Variants in CYB5R4 observed in about 807,000 individuals in gnomAD.
CYB5R4 encodes the protein N-terminal cytochrome b5 and cytochrome b5 oxidoreductase domain-containing protein.
In CYB5R4, 55 loss-of-function variants were observed where a neutral mutation model predicts 70.2. That is an observed-to-expected ratio of 0.78 (90% CI 0.63 to 0.98). The LOEUF is 0.98. Ranked by LOEUF, CYB5R4 falls within the 50% of genes least tolerant of loss-of-function variation. The pLI is 0.00. For missense variants in CYB5R4, 562 were observed against 612.6 expected, an observed-to-expected ratio of 0.92 and a Z score of 0.87; for synonymous variants, 197 against 199.5, an observed-to-expected ratio of 0.99 and a Z score of 0.11.
intron 4 of CYB5R4, among the ~76,000 whole-genome samples, chr6:83,911,389 A>G (rs1048420547): frequency 2.0e-5 from 3 of 152,210 alleles, no homozygotes; most frequent in African/African-American, 7.2e-5. Context: ...TCTTCTGGCA[A>G]GGCTAAGCAG....
chr6:83,863,046 A>G (rs1562824452), intron 1 of CYB5R4, among the ~76,000 whole-genome samples: 1 of 152,236 alleles, frequency 6.6e-6, no homozygotes, highest in Non-Finnish European at 1.5e-5. Flanking sequence ...TTACTACGTT[A>G]CAAATTAGTC....
At chr6:83,905,882 A>G (rs1163028999) in intron 3 of CYB5R4, among the ~76,000 whole-genome samples, 2 of 152,026 alleles carry the variant, frequency 1.3e-5, no homozygotes, top group Non-Finnish European at 2.9e-5. Flanking sequence ...AACCCTGCAG[A>G]TGGCATGTGC....
At chr6:83,878,818 A>G (rs1362598594) in intron 2 of CYB5R4, among the ~76,000 whole-genome samples, 1 of 151,994 alleles carries the variant, frequency 6.6e-6, no homozygotes, top group Admixed American at 6.6e-5. Context: ...TATTGTTACC[A>G]TCAGTGTACC....
At position 83,966,219 on chromosome 6, in the gene CYB5R4, A is replaced by G. The variant is rs2099474039; in HGVS notation, c.*6341A>G. On this transcript the variant is annotated 3_prime_UTR_variant, in exon 16 of 16. Coordinates refer to ENST00000369681, the MANE Select transcript of CYB5R4 (RefSeq NM_016230.4). ...TGGTTATGGTTGCACATACTTATGA[A>G]TATACCTAAAAATGTTGAATTGTAC... The G allele has an allele frequency of 6.6e-6, 1 of 152,200 alleles. No individual in the cohort carries two copies. Among genetic ancestry groups the G allele is most frequent in the Non-Finnish European group, 1.5e-5 (1 of 68,042 alleles). The allele number at this position is 152,200 out of a possible 1,614,324, so 9.4% of individuals were successfully genotyped here. A position where few individuals can be genotyped will look rare whatever the true frequency, so the allele number is the denominator to read the frequency against.
intron 2 of CYB5R4, among the ~76,000 whole-genome samples, chr6:83,866,404 G>A (rs2099456723): frequency 6.6e-6 from 1 of 152,096 alleles, no homozygotes; most frequent in Non-Finnish European, 1.5e-5. Context: ...TACTGGTTGA[G>A]CATCCCAAAT....
At chr6:83,943,567 G>T (rs1182522005) in intron 14 of CYB5R4, among the ~76,000 whole-genome samples, 1 of 152,052 alleles carries the variant, frequency 6.6e-6, no homozygotes, top group Admixed American at 6.6e-5. Flanking sequence ...CTCCTCCAAA[G>T]GATCACAACT....
At chr6:83,903,656 T>G (rs2099463343) in intron 3 of CYB5R4, among the ~76,000 whole-genome samples, 1 of 152,074 alleles carries the variant, frequency 6.6e-6, no homozygotes, top group African/African-American at 2.4e-5. Flanking sequence ...ATCCATCTAG[T>G]CCTTTGTTGT....
intron 10 of CYB5R4, among the ~76,000 whole-genome samples, chr6:83,930,824 T>C (rs561562871): frequency 4.6e-5 from 7 of 152,162 alleles, no homozygotes; most frequent in Non-Finnish European, 1.0e-4. Flanking sequence ...TATCATTCAT[T>C]GACAGTCACC....
chr6:83,876,549 G>A (rs1180707228), intron 2 of CYB5R4, among the ~76,000 whole-genome samples: 2 of 143,920 alleles, frequency 1.4e-5, no homozygotes, highest in African/African-American at 5.1e-5. Flanking sequence ...CATTTCTAAT[G>A]TATCAGTCTA....
chr6:83,933,970 TACAC>T (rs1266183578), intron 10 of CYB5R4, among the ~76,000 whole-genome samples: 7 of 152,204 alleles, frequency 4.6e-5, no homozygotes, highest in African/African-American at 1.7e-4. Flanking sequence ...ATAAAATACA[TACAC>T]ACAAACATAG....
In CYB5R4 at chr6:83,921,090, T is replaced by C; in HGVS notation, c.573T>C (p.Asn191=). The C allele has an allele frequency of 6.6e-7, 1 of 1,508,936 alleles. No individual in the cohort carries two copies. Among genetic ancestry groups the C allele is most frequent in the Non-Finnish European group, 9.0e-7 (1 of 1,116,170 alleles). 93.5% of individuals were successfully genotyped at this position (1,508,936 alleles called of 1,614,324 possible). ...TTTGCTTTCTCTTTAAGGATATCAA[T>C]TTAGACTCAATAATAGTTGATCATC... The part of the protein sequence containing the change: ...IAIYTKQKDI[N]LDSIIVDHQN... The change falls in exon 8 of 16, where the codon AAT becomes AAC. Residue 191 remains asparagine (N), a synonymous_variant. Transcript: ENST00000369681.
intron 2 of CYB5R4, among the ~76,000 whole-genome samples, chr6:83,891,120 G>GT (rs1206991852): frequency 8.6e-5 from 13 of 151,694 alleles, no homozygotes; most frequent in African/African-American, 2.7e-4. Context: ...AATTTTTAGG[G>GT]TTTTTTTGTA....
At chr6:83,917,248 T>C (rs1362988157) in intron 5 of CYB5R4, among the ~76,000 whole-genome samples, 2 of 151,822 alleles carry the variant, frequency 1.3e-5, no homozygotes, top group Non-Finnish European at 2.9e-5. Context: ...GTTGGTGAGG[T>C]TGTGGAGCAG....
At chr6:83,874,376 A>T (rs1055514588) in intron 2 of CYB5R4, among the ~76,000 whole-genome samples, 1 of 150,832 alleles carries the variant, frequency 6.6e-6, no homozygotes, top group Non-Finnish European at 1.5e-5. Context: ...AAAAAAAATT[A>T]TTTTTTTGTA....
intron 2 of CYB5R4, among the ~76,000 whole-genome samples, chr6:83,887,407 C>T (rs1171536805): frequency 6.6e-6 from 1 of 152,054 alleles, no homozygotes; most frequent in Non-Finnish European, 1.5e-5. Context: ...ATTCAGAGAA[C>T]TTGTTTGAGA....
At chr6:83,918,378 A>C (rs1478639294) in intron 6 of CYB5R4, among the ~76,000 whole-genome samples, 1 of 152,060 alleles carries the variant, frequency 6.6e-6, no homozygotes, top group African/African-American at 2.4e-5. Context: ...AATACAAAAG[A>C]AAGTGATAAA....
At chr6:83,918,193 C>A (rs1009048130) in intron 6 of CYB5R4, 128 bp downstream of exon 6, 1 of 566,972 alleles carries the variant, frequency 1.8e-6, no homozygotes, top group Non-Finnish European at 3.2e-6. Context: ...GACACAAGAA[C>A]TGTAATGCCT....
intron 3 of CYB5R4, among the ~76,000 whole-genome samples, chr6:83,907,139 A>G (rs1474004170): frequency 6.6e-6 from 1 of 152,064 alleles, no homozygotes; most frequent in Non-Finnish European, 1.5e-5. Flanking sequence ...ATGTAGTGGC[A>G]TGATCAGCTT....
rs190053821 is a variant in CYB5R4 at position 83,940,585 on chromosome 6, G to A, written c.1330G>A (p.Ala444Thr). The A allele has an allele frequency of 5.6e-5, 89 of 1,599,828 alleles. No homozygotes were observed. In the Admixed American group the frequency reaches 1.2e-3, roughly 22 times the overall value. ...IIWRSQLEKLAFKDKRLDVEF... is the reference protein window; with the variant it reads ...IIWRSQLEKLTFKDKRLDVEF... Reference sequence around the variant, plus strand: ...TTGGAGAAGCCAATTGGAGAAATTAGCATTTAAAGATAAAAGGTATTAAAC... The same window carrying A: ...TTGGAGAAGCCAATTGGAGAAATTAACATTTAAAGATAAAAGGTATTAAAC... The change falls in exon 14 of 16, where the codon GCA (alanine) becomes ACA (threonine). Residue 444 changes from alanine to threonine, a missense_variant. Physicochemically the swap from Ala to Thr is moderately conservative, Grantham distance 58. Coordinates refer to ENST00000369681, the MANE Select transcript of CYB5R4 (RefSeq NM_016230.4).
Sources: allele counts gnomAD v4.1 joint callset (sites outside exome capture counted in the v4.1 genomes callset), GRCh38; gene constraint gnomAD v4.1.1; transcripts MANE v1.5; gene names NCBI Gene and HGNC (gene_info 2026-07-23, HGNC 2026-07-21).